The following CDH18 variants were observed in gnomAD, a reference collection of about 807,000 sequenced individuals.
CDH18 encodes cadherin-18.
In CDH18, 31 loss-of-function variants were observed where a neutral mutation model predicts 67.9. The ratio of observed to expected loss-of-function variants is 0.46; its 90% CI spans 0.34 to 0.62. CDH18 has a LOEUF of 0.62. CDH18 is among the 20% of genes least tolerant of loss of function. The probability of loss-of-function intolerance (pLI) is 0.01; values close to 1 mark genes in which losing one functional copy is unlikely to be tolerated. For synonymous variants in CDH18, 362 were observed against 347.2 expected, an observed-to-expected ratio of 1.04 and a Z score of -0.48; for missense variants, 890 against 975.5, an observed-to-expected ratio of 0.91 and a Z score of 1.17.
At chr5:19,639,519 A>G (rs918828334) in intron 5 of CDH18, among the ~76,000 whole-genome samples, 11 of 152,164 alleles carry the variant, frequency 7.2e-5, no homozygotes, top group African/African-American at 2.7e-4. Context: ...AAAGGAACTG[A>G]TGCTCCATCA....
chr5:20,412,987 G>A (rs996730143), intron 1 of CDH18, among the ~76,000 whole-genome samples: 5 of 152,050 alleles, frequency 3.3e-5, no homozygotes, highest in African/African-American at 4.8e-5. Flanking sequence ...GACAGGCCCC[G>A]GTGTGTGATG....
chr5:19,897,968 T>G (rs75487306), intron 2 of CDH18, among the ~76,000 whole-genome samples: 1,938 of 152,146 alleles, frequency 0.013, 37 homozygotes, highest in African/African-American at 0.044. Flanking sequence ...GTGAGTTCAC[T>G]CCATGAAAAG....
chr5:20,407,215 G>A (rs549902103), intron 1 of CDH18, among the ~76,000 whole-genome samples: 21 of 152,236 alleles, frequency 1.4e-4, no homozygotes, highest in African/African-American at 5.1e-4. Context: ...TCCCAGGGGA[G>A]GGAAAGATTT....
chr5:20,518,437 G>A (rs1170299174), intron 1 of CDH18, among the ~76,000 whole-genome samples: 1 of 152,040 alleles, frequency 6.6e-6, no homozygotes, highest in African/African-American at 2.4e-5. Context: ...ATGATTATGT[G>A]GGCTCCCTTT....
intron 1 of CDH18, among the ~76,000 whole-genome samples, chr5:20,497,893 C>A (rs548040251): frequency 6.6e-6 from 1 of 152,000 alleles, no homozygotes; most frequent in African/African-American, 2.4e-5. Flanking sequence ...GTGAGGACTT[C>A]GTGAGGTAAT....
chr5:20,073,832 A>G (rs1175154547), intron 2 of CDH18, among the ~76,000 whole-genome samples: 2 of 152,256 alleles, frequency 1.3e-5, no homozygotes, highest in African/African-American at 2.4e-5. Context: ...AGTTATTTCA[A>G]TACTTTCAGG....
intron 8 of CDH18, among the ~76,000 whole-genome samples, chr5:19,555,926 T>C (rs1456433602): frequency 6.6e-6 from 1 of 152,152 alleles, no homozygotes; most frequent in Non-Finnish European, 1.5e-5. Context: ...CTGAGAGACC[T>C]GAAGATGGGT....
chr5:20,023,658 C>CAAAA (rs58583654), intron 2 of CDH18, among the ~76,000 whole-genome samples: 8 of 84,002 alleles, frequency 9.5e-5, no homozygotes, highest in African/African-American at 1.3e-4. Context: ...GACTCCGTCT[C>CAAAA]AAAAAAAAAA....
At chr5:20,057,168 C>T (rs999897978) in intron 2 of CDH18, among the ~76,000 whole-genome samples, 8 of 152,076 alleles carry the variant, frequency 5.3e-5, no homozygotes, top group East Asian at 1.9e-4. Flanking sequence ...AGGCAATAAA[C>T]GCAACATAAA....
chr5:20,266,571 A>ATTTTTTTTTTTTTTT (rs34718835), intron 1 of CDH18, among the ~76,000 whole-genome samples: 65 of 59,184 alleles, frequency 1.1e-3, no homozygotes, highest in East Asian at 2.6e-3. Context: ...GCCCGGCTGA[A>ATTTTTTTTTTTTTTT]TTTTTTTTTT....
At chr5:20,493,393 A>AAAAAAAAAT (rs1561061223) in intron 1 of CDH18, among the ~76,000 whole-genome samples, 1 of 118,102 alleles carries the variant, frequency 8.5e-6, no homozygotes, top group Non-Finnish European at 1.7e-5. Flanking sequence ...AAAGCAAAGA[A>AAAAAAAAAT]TTTTTTGTTT....
At chr5:19,764,701 G>A (rs1456102948) in intron 3 of CDH18, among the ~76,000 whole-genome samples, 1 of 151,562 alleles carries the variant, frequency 6.6e-6, no homozygotes, top group Non-Finnish European at 1.5e-5. Context: ...ATATATGTGT[G>A]TGTGTATATA....
In CDH18 at chr5:19,818,481, C is replaced by T. The variant is rs930997038; in HGVS notation, c.228+20278G>A. Among the ~76,000 whole-genome samples the T allele has an allele frequency of 1.5e-4, 22 of 150,852 alleles. No individual in the cohort carries two copies. The East Asian group carries it at 1.9e-3, about 13-fold the overall frequency. On this transcript the variant is annotated intron_variant, in intron 3 of 12. Transcript: ENST00000382275. ...TTTTTACACGATTTTTTAAAAAGAA[C>T]GAACAAATTGTTTTAAAATTATAGT...
At chr5:20,223,695 G>A (rs1741399771) in intron 2 of CDH18, among the ~76,000 whole-genome samples, 1 of 152,168 alleles carries the variant, frequency 6.6e-6, no homozygotes, top group Admixed American at 6.5e-5. Flanking sequence ...TCTTTCCTGT[G>A]CTGTTCTTGT....
chr5:20,566,829 A>G (rs1758541868), intron 1 of CDH18, among the ~76,000 whole-genome samples: 2 of 152,184 alleles, frequency 1.3e-5, no homozygotes, highest in South Asian at 4.1e-4. Flanking sequence ...AAAGACAGTT[A>G]CCGCTTGGTT....
intron 1 of CDH18, among the ~76,000 whole-genome samples, chr5:20,367,465 T>C (rs78755254): frequency 0.023 from 3,491 of 152,304 alleles, 101 homozygotes; most frequent in East Asian, 0.077. Flanking sequence ...GCGGGTTCTA[T>C]GCCTGACCTC....
intron 9 of CDH18, among the ~76,000 whole-genome samples, chr5:19,543,128 C>T (rs138260155): frequency 1.3e-5 from 2 of 152,038 alleles, no homozygotes; most frequent in African/African-American, 4.8e-5. Flanking sequence ...ATAATTGGTA[C>T]TTTTGGTCTA....
intron 11 of CDH18, among the ~76,000 whole-genome samples, chr5:19,502,058 G>A (rs909698299): frequency 3.3e-5 from 5 of 152,110 alleles, no homozygotes; most frequent in African/African-American, 9.7e-5. Flanking sequence ...TTGATACTTT[G>A]TTATATTTAA....
intron 1 of CDH18, among the ~76,000 whole-genome samples, chr5:20,256,959 A>ATCTATCTG (rs369248095): frequency 4.0e-4 from 50 of 125,326 alleles, no homozygotes; most frequent in East Asian, 1.2e-3. Flanking sequence ...CTATCTATCT[A>ATCTATCTG]TCTAATCTAT....
Sources: gnomAD v4.1 joint callset for allele counts (sites outside exome capture counted in the v4.1 genomes callset) on GRCh38, gnomAD v4.1.1 for gene constraint, MANE v1.5 for transcripts, NCBI Gene and HGNC (gene_info 2026-07-23, HGNC 2026-07-21) for gene names.